GRID2: variants seen among roughly 807,000 people sequenced by gnomAD.
GRID2 encodes the protein glutamate receptor ionotropic, delta-2.
Under a neutral mutation model 114.8 loss-of-function variants are expected in GRID2, and 33 were observed. That is an observed-to-expected ratio of 0.29 (90% confidence interval 0.22 to 0.38). GRID2 has a LOEUF of 0.38. Ranked by LOEUF, GRID2 falls within the 10% of genes least tolerant of loss-of-function variation. The pLI is 1.00. For synonymous variants in GRID2, 505 were observed against 449.9 expected (o/e 1.12, Z -1.55); for missense variants, 1,184 against 1,257.7 (o/e 0.94, Z 0.89).
chr4:92,897,388 T>G (rs1162004967), intron 2 of GRID2, among the ~76,000 whole-genome samples: 1 of 152,166 alleles, frequency 6.6e-6, no homozygotes, highest in Non-Finnish European at 1.5e-5. Context: ...TACAAAACAG[T>G]GTACTTTTAG....
chr4:92,643,271 T>G (rs879680311), intron 2 of GRID2, among the ~76,000 whole-genome samples: 13 of 151,806 alleles, frequency 8.6e-5, no homozygotes, highest in Admixed American at 7.9e-4. Flanking sequence ...TATGTCTGAT[T>G]TATTTCACCA....
chr4:93,794,945 A>G (rs924440244), intron 1 of GRID2, among the ~76,000 whole-genome samples: 6 of 152,202 alleles, frequency 3.9e-5, no homozygotes, highest in Non-Finnish European at 8.8e-5. Flanking sequence ...AAGTGCTCCC[A>G]TGAAGTACTT....
At position 93,003,238 on chromosome 4, in the gene GRID2, A is replaced by G. The variant is rs138822981; in HGVS notation, c.245-81757A>G. 1.4e-3 allele frequency among the ~76,000 whole-genome samples: 218 copies of G among 152,080 alleles called. 1 individual carries two copies. Among genetic ancestry groups the G allele is most frequent in the African/African-American group, 5.2e-3 (215 of 41,554 alleles). ...TTTAATCTTTTTATTCAGTAAAGTT[A>G]TTCTCAAAGGGCAGATTTTACAGGG... On this transcript the variant is annotated intron_variant, in intron 2 of 15. Transcript: ENST00000282020.
chr4:92,826,525 A>T (rs1227627174), intron 2 of GRID2, among the ~76,000 whole-genome samples: 2 of 152,066 alleles, frequency 1.3e-5, no homozygotes, highest in African/African-American at 2.4e-5. Flanking sequence ...TTCCAAAAAG[A>T]AGTGATTTTT....
chr4:93,764,656 T>G (rs1272642735), intron 14 of GRID2, among the ~76,000 whole-genome samples: 3 of 152,174 alleles, frequency 2.0e-5, no homozygotes, highest in South Asian at 2.1e-4. Context: ...TTTTTCTGAC[T>G]ATACTCCAAA....
chr4:92,821,326 G>T (rs1478383339), intron 2 of GRID2, among the ~76,000 whole-genome samples: 1 of 152,158 alleles, frequency 6.6e-6, no homozygotes, highest in Non-Finnish European at 1.5e-5. Flanking sequence ...GGGATTAGAA[G>T]AGAGAACAAA....
At chr4:92,897,078 G>T (rs1465146411) in intron 2 of GRID2, among the ~76,000 whole-genome samples, 3 of 151,990 alleles carry the variant, frequency 2.0e-5, no homozygotes, top group East Asian at 3.9e-4. Context: ...CCTGTTTGCT[G>T]GGTGAACTCC....
chr4:93,423,175 C>G (rs1213405814), intron 10 of GRID2, among the ~76,000 whole-genome samples: 1 of 151,826 alleles, frequency 6.6e-6, no homozygotes, highest in Non-Finnish European at 1.5e-5. Flanking sequence ...AAGTAGTTGA[C>G]AAAATAAACC....
chr4:92,599,192 A>T (rs1729088918), intron 2 of GRID2, among the ~76,000 whole-genome samples: 1 of 151,950 alleles, frequency 6.6e-6, no homozygotes, highest in African/African-American at 2.4e-5. Flanking sequence ...GATTTAAAAT[A>T]CCTTGTTACC....
intron 1 of GRID2, among the ~76,000 whole-genome samples, chr4:92,414,883 A>C (rs564787861): frequency 7.2e-5 from 11 of 152,240 alleles, no homozygotes; most frequent in African/African-American, 2.6e-4. Context: ...TGAATTTAAA[A>C]TCTTAGGAGC....
At chr4:92,964,698 C>T (rs1753025534) in intron 2 of GRID2, among the ~76,000 whole-genome samples, 1 of 151,972 alleles carries the variant, frequency 6.6e-6, no homozygotes, top group Non-Finnish European at 1.5e-5. Flanking sequence ...CCTTAAGCCT[C>T]ATGAACAAAC....
At chr4:93,056,331 A>G (rs1647026841) in intron 2 of GRID2, among the ~76,000 whole-genome samples, 1 of 151,934 alleles carries the variant, frequency 6.6e-6, no homozygotes, top group African/African-American at 2.4e-5. Flanking sequence ...CTGGAGGAAG[A>G]ACCACACTGA....
chr4:92,448,156 T>TATGC (rs1733569347), intron 1 of GRID2, among the ~76,000 whole-genome samples: 1 of 151,708 alleles, frequency 6.6e-6, no homozygotes, highest in Non-Finnish European at 1.5e-5. Context: ...TGTATGTATG[T>TATGC]ATGTATGTAT....
intron 2 of GRID2, among the ~76,000 whole-genome samples, chr4:92,888,989 A>G (rs920713280): frequency 1.1e-4 from 16 of 151,998 alleles, no homozygotes; most frequent in African/African-American, 3.9e-4. Flanking sequence ...ATCTTCTCTT[A>G]TTTAGTCTTT....
chr4:92,357,741 TGTTA>T lies in GRID2; in HGVS notation c.88+53001_88+53004del, dbSNP rs1057130066. On this transcript the variant is annotated intron_variant, in intron 1 of 15. Transcript: ENST00000282020. ...TTGAGTAGTTGACTGTTCTTTCTCT[TGTTA>T]GTTCTTTGAGTCACAGTATTTTAAA... Among the ~76,000 whole-genome samples the T allele has an allele frequency of 1.5e-4, 23 of 152,024 alleles. No individual in the cohort carries two copies. The South Asian group carries it at 2.3e-3, about 15-fold the overall frequency.
intron 1 of GRID2, among the ~76,000 whole-genome samples, chr4:92,379,184 A>G (rs1729499612): frequency 6.7e-6 from 1 of 149,904 alleles, no homozygotes; most frequent in Admixed American, 6.8e-5. Context: ...GCATAATTAT[A>G]TATAAAATGA....
chr4:93,332,293 T>TGAGAGAGAGAGAGAGA (rs1182268164), intron 8 of GRID2, among the ~76,000 whole-genome samples: 60 of 114,738 alleles, frequency 5.2e-4, no homozygotes, highest in African/African-American at 1.4e-3. Context: ...TGTGTGTGTG[T>TGAGAGAGAGAGAGAGA]GTGTGTGAGA....
At position 92,691,257 on chromosome 4, in the gene GRID2, T is replaced by C. The variant is rs75995740; in HGVS notation, c.244+100971T>C. 6.2e-3 allele frequency among the ~76,000 whole-genome samples: 941 copies of C among 152,266 alleles called. 14 individuals are homozygous for C. Among genetic ancestry groups the C allele is most frequent in the African/African-American group, 0.02 (840 of 41,556 alleles). Reference sequence around the variant, plus strand: ...ATCGTATCCAAAAATTATGGTACTTTGCTGAACCTTTTCATACATTTCTTT... The same window carrying C: ...ATCGTATCCAAAAATTATGGTACTTCGCTGAACCTTTTCATACATTTCTTT... On this transcript the variant is annotated intron_variant, in intron 2 of 15. Transcript: ENST00000282020.
intron 2 of GRID2, among the ~76,000 whole-genome samples, chr4:92,680,429 A>T (rs1295546786): frequency 1.3e-5 from 2 of 152,148 alleles, no homozygotes; most frequent in East Asian, 3.8e-4. Context: ...AATTGTGATC[A>T]CATGTTAAGT....
Sources: gnomAD v4.1 joint callset for allele counts (sites outside exome capture counted in the v4.1 genomes callset) on GRCh38, gnomAD v4.1.1 for gene constraint, MANE v1.5 for transcripts, NCBI Gene and HGNC (gene_info 2026-07-23, HGNC 2026-07-21) for gene names.